Variants in PPIL4 observed in about 807,000 individuals in gnomAD.
PPIL4 encodes peptidylprolyl isomerase like 4, also known as peptidyl-prolyl cis-trans isomerase-like 4.
In PPIL4, 50 loss-of-function variants were observed where a neutral mutation model predicts 69.1. That is an observed-to-expected ratio of 0.72 (90% CI 0.58 to 0.92). PPIL4 has a LOEUF of 0.92. PPIL4 is among the 40% of genes least tolerant of loss of function. PPIL4 has a pLI of 0.00. For missense variants in PPIL4, 480 were observed against 587.9 expected (o/e 0.82, Z 1.90); for synonymous variants, 193 against 191.6 (o/e 1.01, Z -0.06).
At chr6:149,542,886 T>C (rs912565146) in intron 1 of PPIL4, among the ~76,000 whole-genome samples, 6 of 152,188 alleles carry the variant, frequency 3.9e-5, no homozygotes, top group Admixed American at 1.3e-4. Flanking sequence ...TACACAGTAA[T>C]AGAGCATGAA....
chr6:149,533,568 G>A lies in PPIL4; in HGVS notation c.568C>T (p.Arg190Ter), dbSNP rs200459792. The A allele has an allele frequency of 2.1e-5, 33 of 1,588,308 alleles. No homozygotes were observed. The highest frequency in any genetic ancestry group is 2.7e-5 in the Non-Finnish European group (31 of 1,158,288). ...TCAATTTCTTCATCTGCTCCTATTC[G>A]ACCACTCTGTTAAGACAGAAGTTAC... ...EPTREQLDSG[R>*]IGADEEIDDF... Residue 190 changes from arginine to a stop codon, truncating the protein, a stop_gained, in exon 7 of 13, where the codon CGA (arginine) becomes TGA (stop). Coordinates refer to ENST00000253329, the MANE Select transcript of PPIL4 (RefSeq NM_139126.4). LOFTEE classifies it high-confidence loss of function.
intron 12 of PPIL4, among the ~76,000 whole-genome samples, chr6:149,508,108 A>G (rs1265109612): frequency 6.6e-6 from 1 of 152,236 alleles, no homozygotes; most frequent in East Asian, 1.9e-4. Flanking sequence ...CAATATCCTC[A>G]TTCTAGAAAT....
chr6:149,508,449 A>C (rs112346393), intron 12 of PPIL4, among the ~76,000 whole-genome samples: 4,292 of 152,318 alleles, frequency 0.028, 102 homozygotes, highest in Non-Finnish European at 0.046. Flanking sequence ...AAAACGAAGA[A>C]CACAAAATGG....
intron 4 of PPIL4, 43 bp from the exon 5 acceptor site, chr6:149,535,781 TAACTC>T (rs1433693435): frequency 1.8e-5 from 25 of 1,392,648 alleles, no homozygotes; most frequent in Non-Finnish European, 2.2e-5. Context: ...AAATAATACA[TAACTC>T]AAACTGAAAT....
chr6:149,545,825 G>C, intron 1 of PPIL4, 111 bp downstream of exon 1: 2 of 1,017,986 alleles, frequency 2.0e-6, no homozygotes, highest in South Asian at 2.9e-5. Context: ...GGCACCAGCA[G>C]CCCAGAAGCT....
chr6:149,541,518 C>A lies in PPIL4; in HGVS notation c.138+1G>T. On this transcript the variant is annotated splice_donor_variant, in intron 2 of 12. Transcript: ENST00000253329. LOFTEE classifies it high-confidence loss of function. ...GAAATGACTAATATCTACCAACTCA[C>A]CTGTACATTGTGAATAAGGCAATAA... 1 of 1,568,650 alleles carries A rather than the reference C, an allele frequency of 6.4e-7. No homozygotes were observed. The highest frequency in any genetic ancestry group is 8.8e-7 in the Non-Finnish European group (1 of 1,139,532).
At chr6:149,526,090 C>T (rs768087603) in intron 8 of PPIL4, among the ~76,000 whole-genome samples, 45 of 152,026 alleles carry the variant, frequency 3.0e-4, no homozygotes, top group Non-Finnish European at 4.6e-4. Flanking sequence ...CAGAGCGAGA[C>T]TCCATGTCAA....
chr6:149,530,351 T>C (rs1777177172), intron 7 of PPIL4, among the ~76,000 whole-genome samples: 1 of 151,858 alleles, frequency 6.6e-6, no homozygotes, highest in Admixed American at 6.6e-5. Context: ...AATGAACGGA[T>C]AGATAAGCAG....
chr6:149,529,266 G>C (rs894796815), intron 7 of PPIL4, among the ~76,000 whole-genome samples: 1 of 150,788 alleles, frequency 6.6e-6, no homozygotes, highest in East Asian at 2.0e-4. Context: ...TGAAATCCCA[G>C]GCCGGGCAAC....
chr6:149,541,605 C>A lies in PPIL4; in HGVS notation c.71-19G>T. On this transcript the variant is annotated intron_variant, in intron 1 of 12. Coordinates refer to ENST00000253329, the MANE Select transcript of PPIL4 (RefSeq NM_139126.4). The stretch of plus-strand genomic sequence containing the variant: ...AAGCAGGCTGAAAGAAAGTAAATAC[C>A]AAATTTATCACAGTAATCCACAAAC... 3 of 1,333,738 alleles carry A rather than the reference C, an allele frequency of 2.2e-6. No homozygotes were observed. The highest frequency in any genetic ancestry group is 3.2e-6 in the Non-Finnish European group (3 of 929,876). 82.6% of individuals were successfully genotyped at this position (1,333,738 alleles called of 1,614,324 possible). A position where few individuals can be genotyped will look rare whatever the true frequency, so the allele number is the denominator to read the frequency against.
intron 7 of PPIL4, among the ~76,000 whole-genome samples, chr6:149,529,705 G>A (rs1413339440): frequency 6.8e-6 from 1 of 148,072 alleles, no homozygotes; most frequent in Non-Finnish European, 1.5e-5. Flanking sequence ...AGAGGTTGCA[G>A]TGAGCCGAGA....
At chr6:149,520,115 T>A (rs916844399) in intron 10 of PPIL4, among the ~76,000 whole-genome samples, 1 of 152,224 alleles carries the variant, frequency 6.6e-6, no homozygotes, top group African/African-American at 2.4e-5. Flanking sequence ...TATACTGATA[T>A]GAACTGATCT....
rs35089225 is a variant in PPIL4 at position 149,542,651 on chromosome 6, T to TAA, written c.71-1067_71-1066dup. Among the ~76,000 whole-genome samples the TAA allele has an allele frequency of 7.9e-5, 12 of 152,140 alleles. No individual in the cohort carries two copies. The East Asian group carries it at 1.5e-3, about 20-fold the overall frequency. On this transcript the variant is annotated intron_variant, in intron 1 of 12. Transcript: ENST00000253329. ...CATGTGTGCCACTTATTTAAAATGG[T>TAA]AAAAAAAGTAGTTTTAAAAATTCCA...
chr6:149,506,184 A>G (rs1168317326), intron 12 of PPIL4, among the ~76,000 whole-genome samples: 1 of 152,204 alleles, frequency 6.6e-6, no homozygotes, highest in African/African-American at 2.4e-5. Flanking sequence ...TAAGTCTTAA[A>G]TAAGAAAATG....
At chr6:149,539,937 C>G (rs551675437) in intron 4 of PPIL4, among the ~76,000 whole-genome samples, 4 of 151,954 alleles carry the variant, frequency 2.6e-5, no homozygotes, top group African/African-American at 9.6e-5. Context: ...TGAGACCAGC[C>G]TGGCCAACAT....
intron 7 of PPIL4, among the ~76,000 whole-genome samples, chr6:149,532,309 G>T (rs1465514454): frequency 6.6e-6 from 1 of 152,180 alleles, no homozygotes. Flanking sequence ...TAAAAAGTAT[G>T]TTAATCTATT....
In PPIL4 at chr6:149,545,923, G is replaced by A; in HGVS notation, c.70+13C>T. 1 of 1,576,368 alleles carries A rather than the reference G, an allele frequency of 6.3e-7. No homozygotes were observed. Among genetic ancestry groups the A allele is most frequent in the Non-Finnish European group, 8.6e-7 (1 of 1,158,908 alleles). On this transcript the variant is annotated intron_variant, in intron 1 of 12. Coordinates refer to ENST00000253329, the MANE Select transcript of PPIL4 (RefSeq NM_139126.4). ...GGGGCCCCGGCGACAGGTGAGTGGG[G>A]CTCAAGCCTCACCACGCGGCCGTTC...
intron 1 of PPIL4, among the ~76,000 whole-genome samples, chr6:149,543,649 CT>C (rs1777396064): frequency 6.7e-6 from 1 of 149,956 alleles, no homozygotes; most frequent in East Asian, 2.0e-4. Flanking sequence ...AGTTTTTTTT[CT>C]TTTTTAACCT....
At chr6:149,517,499 C>A in intron 10 of PPIL4, 49 bp from the exon 11 acceptor site, 2 of 817,252 alleles carry the variant, frequency 2.4e-6, no homozygotes, top group South Asian at 3.9e-5. Flanking sequence ...AACCACCTAA[C>A]CAAGAACAAT....
Sources: allele counts gnomAD v4.1 joint callset (sites outside exome capture counted in the v4.1 genomes callset), GRCh38; gene constraint gnomAD v4.1.1; transcripts MANE v1.5; gene names NCBI Gene and HGNC (gene_info 2026-07-23, HGNC 2026-07-21).